Variants in LRRC66 observed in about 807,000 individuals in gnomAD.
LRRC66 encodes the protein leucine-rich repeat-containing protein 66.
LRRC66 carries 29 observed loss-of-function variants against 24.6 expected under a neutral mutation model. The ratio of observed to expected loss-of-function variants is 1.18; its 90% CI spans 0.88 to 1.61. The LOEUF is 1.61. Among genes scored for constraint, LRRC66 ranks in the 40% most tolerant of loss-of-function variants. LRRC66 has a pLI of 0.00. For missense variants in LRRC66, 1,124 were observed against 1,058.0 expected (o/e 1.06, Z -0.87); for synonymous variants, 411 against 397.6 (o/e 1.03, Z -0.40).
intron 1 of LRRC66, chr4:52,018,613 C>T (rs1411091103): frequency 1.0e-6 from 1 of 983,924 alleles, no homozygotes; most frequent in East Asian, 1.1e-4. Context: ...TCCTAGGTGA[C>T]TCCAAAGGAT....
intron 2 of LRRC66, among the ~76,000 whole-genome samples, chr4:52,015,416 C>T (rs191649186): frequency 4.4e-4 from 67 of 152,228 alleles, no homozygotes; most frequent in African/African-American, 1.6e-3. Flanking sequence ...GGAATGCTCA[C>T]CCCTCGATGC....
At chr4:52,010,529 C>T (rs1030837044) in intron 2 of LRRC66, among the ~76,000 whole-genome samples, 10 of 152,138 alleles carry the variant, frequency 6.6e-5, no homozygotes, top group Admixed American at 2.0e-4. Context: ...CCCATCTTTA[C>T]GTCTGTTTGA....
At position 51,995,463 on chromosome 4, in the gene LRRC66, A is replaced by T; in HGVS notation, c.1559T>A (p.Leu520Gln). ...QRHPHAGNRE[L>Q]MSAAQDHIHR... ...GATGTGGTCCTGCGCTGCTGACATT[A>T]GTTCACGGTTACCGGCATGTGGATG... The change falls in exon 5 of 5, where the codon CTA (leucine) becomes CAA (glutamine). Residue 520 changes from leucine (L) to glutamine (Q), a missense_variant. Transcript: ENST00000682860. 5 of 1,614,136 alleles carry T rather than the reference A, an allele frequency of 3.1e-6. No individual in the cohort carries two copies. Among genetic ancestry groups the T allele is most frequent in the Non-Finnish European group, 4.2e-6 (5 of 1,180,018 alleles).
intron 2 of LRRC66, among the ~76,000 whole-genome samples, chr4:52,008,184 T>A (rs1736626485): frequency 1.3e-5 from 2 of 152,210 alleles, no homozygotes; most frequent in African/African-American, 4.8e-5. Flanking sequence ...CTGCAGAAAA[T>A]CCAGGTCATG....
At position 51,994,655 on chromosome 4, in the gene LRRC66, A is replaced by G. The variant is rs748533220; in HGVS notation, c.2367T>C (p.His789=). Residue 789 remains histidine (H), a synonymous_variant, in exon 5 of 5, where the codon CAT becomes CAC. Transcript: ENST00000682860. ...SAPDSGMYKT[H]LENASDTDRS... is the part of the protein sequence containing the mutation. Reference sequence around the variant, plus strand: ...TATCAGTGTCAGAGGCATTTTCCAGATGAGTCTTGTACATGCCAGAGTCTG... The same window carrying G: ...TATCAGTGTCAGAGGCATTTTCCAGGTGAGTCTTGTACATGCCAGAGTCTG... 12 of 1,614,040 alleles carry G rather than the reference A, an allele frequency of 7.4e-6. No homozygotes were observed. Among genetic ancestry groups the G allele is most frequent in the Non-Finnish European group, 1.0e-5 (12 of 1,180,030 alleles).
At chr4:52,001,546 G>C (rs753162983) in intron 3 of LRRC66, among the ~76,000 whole-genome samples, 20 of 152,196 alleles carry the variant, frequency 1.3e-4, no homozygotes, top group Non-Finnish European at 2.8e-4. Context: ...TACACAGACT[G>C]CATTTATAAA....
Position 52,003,224 on chromosome 4 carries a change from T to C in LRRC66, c.665A>G (p.Gln222Arg). 1 of 1,604,722 alleles carries C rather than the reference T, an allele frequency of 6.2e-7. No individual in the cohort carries two copies. The highest frequency in any genetic ancestry group is 8.5e-7 in the Non-Finnish European group (1 of 1,175,980). Residue 222 changes from glutamine (Q) to arginine (R), a missense_variant and splice_region_variant, in exon 3 of 5, where the codon CAG (glutamine) becomes CGG (arginine). Gln to Arg is a conservative substitution (Grantham distance 43). Transcript: ENST00000682860. ...PQAFKDLKKL[Q>R]VIDLSNNALI... ...ATATTATAAAAATGATTTTAGAACC[T>C]GTAATTTTTTGAGGTCCTTGAAGGC...
chr4:51,994,831 C>A lies in LRRC66; in HGVS notation c.2191G>T (p.Asp731Tyr). The change falls in exon 5 of 5, where the codon GAT (aspartate) becomes TAT (tyrosine). Residue 731 changes from aspartate to tyrosine, a missense_variant. By Grantham distance (160) the Asp-to-Tyr change is radical. Transcript: ENST00000682860. The stretch of plus-strand genomic sequence containing the variant: ...CTCTCGTCCTGCAGGGACTCCTCAT[C>A]AGGCACTGCCTCTTCAGTCTTGCTC... ...ARSKTEEAVPDEESLQDESSG... is the reference protein window; with the variant it reads ...ARSKTEEAVPYEESLQDESSG... The A allele has an allele frequency of 6.2e-7, 1 of 1,614,258 alleles. No homozygotes were observed. Among genetic ancestry groups the A allele is most frequent in the Non-Finnish European group, 8.5e-7 (1 of 1,180,046 alleles).
chr4:52,001,954 A>G (rs867286380), intron 3 of LRRC66, among the ~76,000 whole-genome samples: 1 of 152,248 alleles, frequency 6.6e-6, no homozygotes, highest in Non-Finnish European at 1.5e-5. Context: ...CCACTTATTC[A>G]TTTAACAAGT....
chr4:52,018,911 T>C (rs1736880761), intron 1 of LRRC66, among the ~76,000 whole-genome samples: 1 of 152,166 alleles, frequency 6.6e-6, no homozygotes, highest in Admixed American at 6.5e-5. Context: ...AGTTTCGCTC[T>C]TGTTACCCAG....
intron 2 of LRRC66, among the ~76,000 whole-genome samples, chr4:52,007,202 C>T (rs1428636436): frequency 6.6e-6 from 1 of 152,098 alleles, no homozygotes; most frequent in African/African-American, 2.4e-5. Flanking sequence ...TGTTTTGAGA[C>T]AGGATCTTGC....
At chr4:51,998,407 CTTATTTAT>C (rs778816792) in intron 3 of LRRC66, among the ~76,000 whole-genome samples, 2 of 152,214 alleles carry the variant, frequency 1.3e-5, no homozygotes, top group African/African-American at 4.8e-5. Flanking sequence ...GACCAGAAAT[CTTATTTAT>C]TTATTTATTT....
At position 51,997,689 on chromosome 4, in the gene LRRC66, T is replaced by C; in HGVS notation, c.856+59A>G. 2.7e-6 allele frequency: 4 copies of C among 1,468,286 alleles called. No individual in the cohort carries two copies. In the South Asian group the frequency reaches 3.7e-5, roughly 13 times the overall value. 91.0% of individuals were successfully genotyped at this position (1,468,286 alleles called of 1,614,324 possible). A position where few individuals can be genotyped will look rare whatever the true frequency, so the allele number is the denominator to read the frequency against. On this transcript the variant is annotated intron_variant, in intron 4 of 4. Transcript: ENST00000682860. ...TGTCATTATTTCAAAAAGACTAAAATGTCTATGTGCATTTTTCATTATAAA... is the reference window on the plus strand; with the variant it reads ...TGTCATTATTTCAAAAAGACTAAAACGTCTATGTGCATTTTTCATTATAAA...
chr4:51,998,988 T>C (rs150087943), intron 3 of LRRC66, among the ~76,000 whole-genome samples: 2 of 152,154 alleles, frequency 1.3e-5, no homozygotes, highest in African/African-American at 2.4e-5. Flanking sequence ...ATTAATGAAA[T>C]GGTAGAGCTG....
At chr4:51,996,194 T>G (rs1276333261) in intron 4 of LRRC66, 29 bp from the exon 5 acceptor site, 1 of 1,511,316 alleles carries the variant, frequency 6.6e-7, no homozygotes, top group East Asian at 2.3e-5. Context: ...AAATACACAT[T>G]GAGCGAACAT....
At chr4:52,019,492 T>C (rs896818324) in intron 1 of LRRC66, among the ~76,000 whole-genome samples, 5 of 152,206 alleles carry the variant, frequency 3.3e-5, no homozygotes, top group African/African-American at 1.2e-4. Flanking sequence ...AAATTTACAA[T>C]GTAACTTTAA....
In LRRC66 at chr4:51,995,755, C is replaced by T. The variant is rs761648292; in HGVS notation, c.1267G>A (p.Glu423Lys). 6.2e-7 allele frequency: 1 copy of T among 1,614,068 alleles called. No homozygotes were observed. The highest frequency in any genetic ancestry group is 8.5e-7 in the Non-Finnish European group (1 of 1,180,008). ...SPGLDNAYSN[E>K]GFYDDMEAAG... is the part of the protein sequence containing the mutation. ...GCTTCCATGTCATCGTAGAAGCCCT[C>T]GTTTGAATACGCGTTGTCCAGGCCA... Residue 423 changes from glutamate to lysine, a missense_variant, in exon 5 of 5, where the codon GAG becomes AAG. Transcript: ENST00000682860.
At chr4:52,019,961 TC>T (rs1736905776) in intron 1 of LRRC66, among the ~76,000 whole-genome samples, 1 of 152,076 alleles carries the variant, frequency 6.6e-6, no homozygotes, top group Admixed American at 6.6e-5. Flanking sequence ...GTTAAAAAAA[TC>T]ATACTATTTA....
Position 51,995,047 on chromosome 4 carries a change from C to T in LRRC66, c.1975G>A (p.Gly659Ser), listed in dbSNP as rs776509987. 9 of 1,614,122 alleles carry T rather than the reference C, an allele frequency of 5.6e-6. No individual in the cohort carries two copies. Among genetic ancestry groups the T allele is most frequent in the Admixed American group, 3.3e-5 (2 of 60,020 alleles). Residue 659 changes from glycine (G) to serine (S), a missense_variant, in exon 5 of 5, where the codon GGT becomes AGT. Physicochemically the swap from Gly to Ser is moderately conservative, Grantham distance 56 (BLOSUM62 0). Coordinates refer to ENST00000682860, the MANE Select transcript of LRRC66 (RefSeq NM_001024611.3). Reference sequence around the variant, plus strand: ...GATGGGCCTGTGTCTCTTGGGTCACCGTATGGAACCTCGCTGTAGTGGGCT... The same window carrying T: ...GATGGGCCTGTGTCTCTTGGGTCACTGTATGGAACCTCGCTGTAGTGGGCT... ...LSAHYSEVPY[G>S]DPRDTGPSVF...
Sources: allele counts gnomAD v4.1 joint callset (sites outside exome capture counted in the v4.1 genomes callset), GRCh38; gene constraint gnomAD v4.1.1; transcripts MANE v1.5; gene names NCBI Gene and HGNC (gene_info 2026-07-23, HGNC 2026-07-21).